VAMP3: variants seen among roughly 807,000 people sequenced by gnomAD.
VAMP3 encodes vesicle-associated membrane protein 3.
VAMP3 carries 11 observed loss-of-function variants against 18.1 expected under a neutral mutation model. That is an observed-to-expected ratio of 0.61 (90% confidence interval 0.38 to 1.00). The LOEUF is 1.00. Ranked by LOEUF, VAMP3 falls within the 50% of genes least tolerant of loss-of-function variation. The probability of loss-of-function intolerance (pLI) is 0.01; values close to 1 mark genes in which losing one functional copy is unlikely to be tolerated. For synonymous variants in VAMP3, 49 were observed against 43.1 expected (o/e 1.14, Z -0.53); for missense variants, 122 against 127.3 (o/e 0.96, Z 0.20).
chr1:7,771,493 G>A, intron 1 of VAMP3, 108 bp downstream of exon 1: 1 of 1,307,518 alleles, frequency 7.6e-7, no homozygotes, highest in Non-Finnish European at 9.9e-7. Flanking sequence ...GACGCAGGCC[G>A]GGGCTGCGCG....
intron 3 of VAMP3, among the ~76,000 whole-genome samples, chr1:7,777,884 A>G (rs950109932): frequency 1.3e-5 from 2 of 152,238 alleles, no homozygotes; most frequent in Non-Finnish European, 2.9e-5. Context: ...TTGTATACAC[A>G]AACAAATGCC....
intron 1 of VAMP3, chr1:7,773,052 G>A (rs772451702): frequency 2.4e-5 from 4 of 167,314 alleles, no homozygotes; most frequent in Non-Finnish European, 3.8e-5. Context: ...TTCTGTAACT[G>A]TTTGTAACTA....
chr1:7,779,950 CAGTT>C lies in VAMP3; in HGVS notation c.*311_*314del, dbSNP rs1163297972. On this transcript the variant is annotated 3_prime_UTR_variant, in exon 5 of 5. Transcript: ENST00000054666. ...GTCACTAATTAATTGCCATTACTCC[CAGTT>C]AGTTACCCTTGTCATTTGGCATTAT... 13 of 322,330 alleles carry C rather than the reference CAGTT, an allele frequency of 4.0e-5. No homozygotes were observed. The Admixed American group carries it at 4.8e-4, about 12-fold the overall frequency. 20.0% of individuals were successfully genotyped at this position (322,330 alleles called of 1,614,324 possible). A position where few individuals can be genotyped will look rare whatever the true frequency, so the allele number is the denominator to read the frequency against.
chr1:7,771,370 CCGCAGCTGCCAAAATGT>C lies in VAMP3; in HGVS notation c.-13_2+2del, dbSNP rs2097050405. The C allele has an allele frequency of 6.3e-7, 1 of 1,593,564 alleles. No homozygotes were observed. The highest frequency in any genetic ancestry group is 1.4e-5 in the African/African-American group (1 of 72,474). On this transcript the variant is annotated splice_donor_variant and coding_sequence_variant and 5_prime_UTR_variant, in exon 1 of 5. Transcript: ENST00000054666. LOFTEE classifies it high-confidence loss of function. ...CCCTCTCTCGTCGCCGCTGCCGCCG[CCGCAGCTGCCAAAATGT>C]GAGTGACGCTACGCGACGCGGGCGG...
intron 1 of VAMP3, chr1:7,772,722 CTA>C (rs1206265901): frequency 6.6e-6 from 1 of 152,140 alleles, no homozygotes; most frequent in African/African-American, 2.4e-5. Context: ...AACCCCGTCT[CTA>C]CTAAAAAATA....
chr1:7,779,000 C>A (rs1279705305), intron 4 of VAMP3, among the ~76,000 whole-genome samples: 1 of 152,048 alleles, frequency 6.6e-6, no homozygotes, highest in East Asian at 1.9e-4. Context: ...TCAAGACCAT[C>A]CTGGCTAACA....
Position 7,778,129 on chromosome 1 carries a change from C to CGG in VAMP3, c.245_246dup (p.Ile83GlyfsTer39). 1 of 1,614,090 alleles carries CGG rather than the reference C, an allele frequency of 6.2e-7. No homozygotes were observed. Among genetic ancestry groups the CGG allele is most frequent in the Non-Finnish European group, 8.5e-7 (1 of 1,180,024 alleles). ...ATGTTTTGTTACAGATGTGGGCAATCGGGATTACTGTTCTGGTTATCTTCA... is the reference window on the plus strand; with the variant it reads ...ATGTTTTGTTACAGATGTGGGCAATCGGGGGATTACTGTTCTGGTTATCTTCA... On this transcript the variant is annotated frameshift_variant, in exon 4 of 5. Coordinates refer to ENST00000054666, the MANE Select transcript of VAMP3 (RefSeq NM_004781.4). LOFTEE classifies it high-confidence loss of function.
intron 2 of VAMP3, chr1:7,776,910 G>A (rs867474351): frequency 1.8e-5 from 5 of 271,286 alleles, no homozygotes; most frequent in Non-Finnish European, 2.8e-5. Context: ...GGGTTCAAGC[G>A]AGTCTCCTGC....
intron 2 of VAMP3, among the ~76,000 whole-genome samples, chr1:7,774,002 A>G (rs994443801): frequency 6.6e-6 from 1 of 152,216 alleles, no homozygotes; most frequent in African/African-American, 2.4e-5. Flanking sequence ...GATACTGTCA[A>G]ACTCCATTAG....
At chr1:7,772,176 G>A (rs2097051449) in intron 1 of VAMP3, among the ~76,000 whole-genome samples, 1 of 152,218 alleles carries the variant, frequency 6.6e-6, no homozygotes, top group African/African-American at 2.4e-5. Context: ...TTACTCATTT[G>A]TAAAATAGGA....
In VAMP3 at chr1:7,780,707, C is replaced by G. The variant is rs1439249217; in HGVS notation, c.*1062C>G. The stretch of plus-strand genomic sequence containing the variant: ...TATCTGGCCCAAATATGAAGATAAA[C>G]TATAACTTTGGAGTTTGTTTCCTAT... On this transcript the variant is annotated 3_prime_UTR_variant, in exon 5 of 5. Transcript: ENST00000054666. 6.6e-6 allele frequency: 1 copy of G among 152,312 alleles called. No homozygotes were observed. Among genetic ancestry groups the G allele is most frequent in the African/African-American group, 2.4e-5 (1 of 41,448 alleles). The allele number at this position is 152,312 out of a possible 1,614,324, so 9.4% of individuals were successfully genotyped here.
chr1:7,773,288 CT>C, intron 1 of VAMP3, 153 bp from the exon 2 acceptor site: 1 of 619,724 alleles, frequency 1.6e-6, no homozygotes, highest in South Asian at 2.3e-5. Flanking sequence ...GCAATTAAAA[CT>C]TTCGTTCATT....
At chr1:7,777,060 C>G (rs1212799789) in intron 2 of VAMP3, 100 bp from the exon 3 acceptor site, 1 of 1,387,994 alleles carries the variant, frequency 7.2e-7, no homozygotes, top group East Asian at 2.5e-5. Context: ...ATCCACCCAC[C>G]TCGGCCTCCC....
intron 4 of VAMP3, 111 bp from the exon 5 acceptor site, chr1:7,779,515 G>A (rs1419161733): frequency 6.7e-7 from 1 of 1,490,732 alleles, no homozygotes; most frequent in African/African-American, 1.4e-5. Context: ...AATCAGCCCA[G>A]TCTAATTTCT....
Position 7,779,929 on chromosome 1 carries a change from CTAATTAATTGCCATTACTCCCAGT to C in VAMP3, c.*287_*310del. ...CTATAATCTAGATGTAATGTTGTCACTAATTAATTGCCATTACTCCCAGTTAGTTACCCTTGTCATTTGGCATTA... is the reference window on the plus strand; with the variant it reads ...CTATAATCTAGATGTAATGTTGTCACTAGTTACCCTTGTCATTTGGCATTA... On this transcript the variant is annotated 3_prime_UTR_variant, in exon 5 of 5. Coordinates refer to ENST00000054666, the MANE Select transcript of VAMP3 (RefSeq NM_004781.4). The C allele has an allele frequency of 5.4e-6, 2 of 368,438 alleles. No individual in the cohort carries two copies. The highest frequency in any genetic ancestry group is 9.8e-6 in the Non-Finnish European group (2 of 204,496). The allele number at this position is 368,438 out of a possible 1,614,324, so 22.8% of individuals were successfully genotyped here.
In VAMP3 at chr1:7,778,180, C is replaced by T. The variant is rs770290783; in HGVS notation, c.283+11C>T. 5.6e-6 allele frequency: 9 copies of T among 1,613,890 alleles called. No homozygotes were observed. Among genetic ancestry groups the T allele is most frequent in the South Asian group, 3.3e-5 (3 of 91,084 alleles). On this transcript the variant is annotated intron_variant, in intron 4 of 4. Transcript: ENST00000054666. ...TCATCATCATCATCGGTGAGTTACC[C>T]TTTTCTAAACTGATTGGAAAAGTCT...
chr1:7,772,280 A>G (rs2097051511), intron 1 of VAMP3, among the ~76,000 whole-genome samples: 1 of 152,240 alleles, frequency 6.6e-6, no homozygotes, highest in Non-Finnish European at 1.5e-5. Context: ...TCTACCAGAT[A>G]CTAAACTCCG....
chr1:7,774,240 T>G (rs1436382902), intron 2 of VAMP3, among the ~76,000 whole-genome samples: 5 of 152,232 alleles, frequency 3.3e-5, no homozygotes, highest in Admixed American at 1.3e-4. Context: ...TATAGTAATG[T>G]TTTGATCTGA....
At chr1:7,771,417 G>A (rs761990912) in intron 1 of VAMP3, 32 bp downstream of exon 1, 2 of 1,549,090 alleles carry the variant, frequency 1.3e-6, no homozygotes, top group South Asian at 1.2e-5. Context: ...GGGCGGCTTC[G>A]GGCCCCGCAG....
Sources: allele counts gnomAD v4.1 joint callset (sites outside exome capture counted in the v4.1 genomes callset), GRCh38; gene constraint gnomAD v4.1.1; transcripts MANE v1.5; gene names NCBI Gene and HGNC (gene_info 2026-07-23, HGNC 2026-07-21).